The following PAK1 variants were observed in gnomAD, a reference collection of about 807,000 sequenced individuals.
PAK1 encodes p21 (RAC1) activated kinase 1.
PAK1 carries 29 observed loss-of-function variants against 67.4 expected under a neutral mutation model. That is an observed-to-expected ratio of 0.43 (90% CI 0.32 to 0.59). The LOEUF (loss-of-function observed/expected upper bound fraction) is 0.59, where lower values mean the gene tolerates loss of function less well. Ranked by LOEUF, PAK1 falls within the 20% of genes least tolerant of loss-of-function variation. The probability of loss-of-function intolerance (pLI) is 0.07; values close to 1 mark genes in which losing one functional copy is unlikely to be tolerated. For synonymous variants in PAK1, 223 were observed against 237.4 expected, an observed-to-expected ratio of 0.94 and a Z score of 0.56; for missense variants, 337 against 670.7, an observed-to-expected ratio of 0.50 and a Z score of 5.50.
At chr11:77,329,715 A>C (rs1324897456) in intron 14 of PAK1, among the ~76,000 whole-genome samples, 5 of 151,996 alleles carry the variant, frequency 3.3e-5, no homozygotes, top group Non-Finnish European at 7.4e-5. Context: ...TCCCTTTGAA[A>C]ACTGGCACAA....
intron 1 of PAK1, among the ~76,000 whole-genome samples, chr11:77,406,446 C>T (rs1186137986): frequency 6.6e-6 from 1 of 152,128 alleles, no homozygotes; most frequent in Non-Finnish European, 1.5e-5. Flanking sequence ...CTGTGCTTAC[C>T]AAAGTATACT....
chr11:77,514,310 A>G, the PAK1 span, among the ~76,000 whole-genome samples: 2 of 152,152 alleles, frequency 1.3e-5, no homozygotes, highest in African/African-American at 2.4e-5. Flanking sequence ...CCTGGCCAAC[A>G]TGGTGAAACC....
At chr11:77,329,344 T>C (rs1009791697) in intron 14 of PAK1, 2 of 152,252 alleles carry the variant, frequency 1.3e-5, no homozygotes, top group African/African-American at 4.8e-5. Context: ...AAGAGAATTT[T>C]AGCCAATATC....
At chr11:77,461,268 G>A (rs1957330531) in intron 1 of PAK1, among the ~76,000 whole-genome samples, 2 of 152,188 alleles carry the variant, frequency 1.3e-5, no homozygotes, top group South Asian at 4.1e-4. Flanking sequence ...AGTTTTATGT[G>A]TCAACTTGGC....
intron 1 of PAK1, among the ~76,000 whole-genome samples, chr11:77,472,928 G>A (rs1170728994): frequency 6.6e-6 from 1 of 152,086 alleles, no homozygotes; most frequent in African/African-American, 2.4e-5. Flanking sequence ...GATAGCGAAG[G>A]CTACAACAAT....
At chr11:77,519,930 C>T in the PAK1 span, among the ~76,000 whole-genome samples, 1 of 152,296 alleles carries the variant, frequency 6.6e-6, no homozygotes, top group African/African-American at 2.4e-5. Context: ...TGCTAACAGG[C>T]CTCTCACCTC....
At chr11:77,341,137 G>C (rs1158571130) in intron 10 of PAK1, among the ~76,000 whole-genome samples, 3 of 152,044 alleles carry the variant, frequency 2.0e-5, no homozygotes, top group African/African-American at 7.3e-5. Flanking sequence ...ACAAAGATAG[G>C]ATTTAGAGTC....
intron 2 of PAK1, among the ~76,000 whole-genome samples, chr11:77,384,707 T>C (rs1339385201): frequency 2.0e-5 from 3 of 152,122 alleles, no homozygotes; most frequent in African/African-American, 7.2e-5. Context: ...GGCAAATCCA[T>C]AGACACAGAG....
chr11:77,524,770 G>A, the PAK1 span, among the ~76,000 whole-genome samples: 2 of 152,146 alleles, frequency 1.3e-5, no homozygotes, highest in African/African-American at 4.8e-5. Context: ...AAACCCACAA[G>A]GGCAAGAATT....
chr11:77,371,031 TG>T lies in PAK1; in HGVS notation c.477+3296del, dbSNP rs539609508. ...TACTTAACACTATATTATAAATCCT[TG>T]TTTACATGTTCTGATTCATCACAAA... On this transcript the variant is annotated intron_variant, in intron 5 of 14. Transcript: ENST00000356341. Among the ~76,000 whole-genome samples, 13 of 152,330 alleles carry T rather than the reference TG, an allele frequency of 8.5e-5. No individual in the cohort carries two copies. In the South Asian group the frequency reaches 2.7e-3, roughly 32 times the overall value.
At chr11:77,397,509 A>G (rs1951990669) in intron 1 of PAK1, among the ~76,000 whole-genome samples, 1 of 152,188 alleles carries the variant, frequency 6.6e-6, no homozygotes, top group African/African-American at 2.4e-5. Context: ...GAGGCAACCA[A>G]GGAGGGGAAG....
At chr11:77,513,767 C>T in the PAK1 span, among the ~76,000 whole-genome samples, 1 of 148,312 alleles carries the variant, frequency 6.7e-6, no homozygotes, top group South Asian at 2.2e-4. Flanking sequence ...AGATCAGAGT[C>T]TTTGTGATGA....
At chr11:77,523,196 G>A in the PAK1 span, among the ~76,000 whole-genome samples, 2 of 152,066 alleles carry the variant, frequency 1.3e-5, no homozygotes, top group African/African-American at 4.8e-5. Context: ...TGGAATAAAC[G>A]TGCACATGTA....
At chr11:77,398,245 C>CT (rs1266275696) in intron 1 of PAK1, among the ~76,000 whole-genome samples, 1 of 152,204 alleles carries the variant, frequency 6.6e-6, no homozygotes, top group Non-Finnish European at 1.5e-5. Context: ...CCATCCCTCC[C>CT]TTTCCACTAG....
At chr11:77,365,264 A>AAG (rs533939692) in intron 5 of PAK1, among the ~76,000 whole-genome samples, 2 of 59,538 alleles carry the variant, frequency 3.4e-5, no homozygotes, top group Admixed American at 1.5e-4. Context: ...AAAAAAAAAA[A>AAG]AAAAGAAAAA....
Position 77,355,847 on chromosome 11 carries a change from A to G in PAK1, c.598-5T>C. On this transcript the variant is annotated splice_region_variant and splice_polypyrimidine_tract_variant and intron_variant, in intron 6 of 14. Transcript: ENST00000356341. ...AATCACAGACCGTGTGTATACCTGC[A>G]TTATTAGTGCAAAATTTTGGCAAGA... 1.2e-6 allele frequency: 2 copies of G among 1,612,288 alleles called. No individual in the cohort carries two copies.
intron 1 of PAK1, among the ~76,000 whole-genome samples, chr11:77,451,625 C>T (rs1264179814): frequency 1.3e-5 from 2 of 149,440 alleles, no homozygotes; most frequent in African/African-American, 2.5e-5. Context: ...TTTGAGACGG[C>T]GTCTTGCTCT....
intron 1 of PAK1, among the ~76,000 whole-genome samples, chr11:77,429,754 C>A (rs1955772933): frequency 6.6e-6 from 1 of 152,158 alleles, no homozygotes; most frequent in Non-Finnish European, 1.5e-5. Context: ...GAACTATATT[C>A]TTTTGCTGTA....
intron 1 of PAK1, among the ~76,000 whole-genome samples, chr11:77,439,178 A>G (rs552952723): frequency 2.9e-4 from 44 of 152,348 alleles, no homozygotes; most frequent in Non-Finnish European, 5.0e-4. Flanking sequence ...AAAAGCCAAA[A>G]TATCTAACCA....
Sources: allele counts gnomAD v4.1 joint callset (sites outside exome capture counted in the v4.1 genomes callset), GRCh38; gene constraint gnomAD v4.1.1; transcripts MANE v1.5; gene names NCBI Gene and HGNC (gene_info 2026-07-23, HGNC 2026-07-21).